Variants in PRKAR2A observed in about 807,000 individuals in gnomAD.
PRKAR2A encodes protein kinase cAMP-dependent type II regulatory subunit alpha, also known as cAMP-dependent protein kinase type II-alpha regulatory subunit.
In PRKAR2A, 29 loss-of-function variants were observed where a neutral mutation model predicts 51.9. The observed-to-expected ratio is 0.56, with a 90% CI of 0.42 to 0.76. The LOEUF (loss-of-function observed/expected upper bound fraction) is 0.76, where lower values mean the gene tolerates loss of function less well. PRKAR2A is among the 30% of genes least tolerant of loss of function. The pLI, the probability that PRKAR2A is intolerant of heterozygous loss-of-function variation, is 0.00. For synonymous variants in PRKAR2A, 178 were observed against 186.2 expected (o/e 0.96, Z 0.36); for missense variants, 445 against 512.1 (o/e 0.87, Z 1.26).
At chr3:48,839,613 T>C (rs1181684639) in intron 1 of PRKAR2A, among the ~76,000 whole-genome samples, 2 of 152,198 alleles carry the variant, frequency 1.3e-5, no homozygotes, top group Non-Finnish European at 1.5e-5. Flanking sequence ...TTAAAGCTGT[T>C]ATTAAAATAA....
At chr3:48,835,529 T>C (rs2083268574) in intron 1 of PRKAR2A, among the ~76,000 whole-genome samples, 1 of 150,936 alleles carries the variant, frequency 6.6e-6, no homozygotes, top group African/African-American at 2.4e-5. Context: ...TAGTCCCAGC[T>C]ACTCGGGAGG....
chr3:48,779,812 TAAATAAATAAA>T (rs2082165029), intron 5 of PRKAR2A, among the ~76,000 whole-genome samples: 1 of 148,776 alleles, frequency 6.7e-6, no homozygotes, highest in South Asian at 2.1e-4. Flanking sequence ...AATAAATAAA[TAAATAAATAAA>T]TAAATAAAAT....
At chr3:48,826,703 G>T (rs1453625036) in intron 1 of PRKAR2A, among the ~76,000 whole-genome samples, 1 of 151,924 alleles carries the variant, frequency 6.6e-6, no homozygotes, top group Non-Finnish European at 1.5e-5. Flanking sequence ...CATAAACTCA[G>T]TTATGATCCA....
In PRKAR2A at chr3:48,747,305, T is replaced by C. The variant is rs1369407933; in HGVS notation, c.*4280A>G. 6.6e-6 allele frequency: 1 copy of C among 152,182 alleles called. No individual in the cohort carries two copies. The highest frequency in any genetic ancestry group is 2.4e-5 in the African/African-American group (1 of 41,440). 9.4% of individuals were successfully genotyped at this position (152,182 alleles called of 1,614,324 possible). On this transcript the variant is annotated 3_prime_UTR_variant, in exon 11 of 11. Transcript: ENST00000265563. The stretch of plus-strand genomic sequence containing the variant: ...AATAAAAGATAAAAGATGACATTCA[T>C]GGATCTTTTTATTTTTCTCTGTGCA...
chr3:48,828,885 G>A (rs1031515201), intron 1 of PRKAR2A, among the ~76,000 whole-genome samples: 1 of 151,730 alleles, frequency 6.6e-6, no homozygotes, highest in Non-Finnish European at 1.5e-5. Flanking sequence ...CCAGGCTGGA[G>A]TGCAGTAGCG....
At chr3:48,812,584 G>A (rs1346164668) in intron 1 of PRKAR2A, among the ~76,000 whole-genome samples, 1 of 150,448 alleles carries the variant, frequency 6.6e-6, no homozygotes, top group African/African-American at 2.4e-5. Context: ...CCAGGTTCAC[G>A]CCATTCTCCT....
intron 8 of PRKAR2A, 50 bp downstream of exon 8, chr3:48,764,954 T>A (rs2081917014): frequency 6.5e-7 from 1 of 1,528,288 alleles, no homozygotes; most frequent in Admixed American, 1.7e-5. Flanking sequence ...GATGTACTAG[T>A]TCTTCAGGGG....
At chr3:48,795,583 T>C (rs895028452) in intron 2 of PRKAR2A, among the ~76,000 whole-genome samples, 9 of 152,174 alleles carry the variant, frequency 5.9e-5, no homozygotes, top group African/African-American at 1.2e-4. Flanking sequence ...TTCGCTCAGG[T>C]TGAGGTACAG....
intron 4 of PRKAR2A, among the ~76,000 whole-genome samples, chr3:48,785,450 G>A (rs1038211468): frequency 6.6e-6 from 1 of 152,136 alleles, no homozygotes; most frequent in African/African-American, 2.4e-5. Flanking sequence ...AGTAGAGACG[G>A]GGTTTCACCA....
chr3:48,798,039 G>T (rs186879471), intron 2 of PRKAR2A, among the ~76,000 whole-genome samples: 22 of 152,124 alleles, frequency 1.4e-4, no homozygotes, highest in Admixed American at 5.9e-4. Context: ...CGCAACCTCT[G>T]CCTCCCAGGT....
intron 1 of PRKAR2A, among the ~76,000 whole-genome samples, chr3:48,816,271 A>T (rs1269512465): frequency 1.3e-5 from 2 of 152,094 alleles, no homozygotes; most frequent in Non-Finnish European, 2.9e-5. Context: ...AGGCACATTG[A>T]AACTGGTTCA....
At chr3:48,796,780 G>A (rs995598207) in intron 2 of PRKAR2A, among the ~76,000 whole-genome samples, 32 of 149,332 alleles carry the variant, frequency 2.1e-4, no homozygotes, top group African/African-American at 6.6e-4. Context: ...GTGAGCAACC[G>A]CGCCCGGCCA....
rs1421995458 is a variant in PRKAR2A at position 48,752,360 on chromosome 3, A to T, written c.940-43T>A. 6 of 1,595,404 alleles carry T rather than the reference A, an allele frequency of 3.8e-6. No individual in the cohort carries two copies. The South Asian group carries it at 6.8e-5, about 18-fold the overall frequency. On this transcript the variant is annotated intron_variant, in intron 9 of 10. Coordinates refer to ENST00000265563, the MANE Select transcript of PRKAR2A (RefSeq NM_004157.4). ...CATGACCTAGGCTGACTCCAGGATC[A>T]CAGCTGGGCATGTCCAGTTGCACAC...
intron 1 of PRKAR2A, among the ~76,000 whole-genome samples, chr3:48,825,657 A>C (rs979709762): frequency 6.6e-6 from 1 of 152,112 alleles, no homozygotes; most frequent in Non-Finnish European, 1.5e-5. Flanking sequence ...AAAAAAATTA[A>C]ATTAAATTAA....
rs149126652 is a variant in PRKAR2A at position 48,790,808 on chromosome 3, G to A, written c.352-181C>T. ...TGGAGAGGCAATGTAATATAGGGGT[G>A]AAAAGCACCAACCCTGAAGCTACCT... On this transcript the variant is annotated intron_variant, in intron 3 of 10. Coordinates refer to ENST00000265563, the MANE Select transcript of PRKAR2A (RefSeq NM_004157.4). Among the ~76,000 whole-genome samples, 36 of 152,266 alleles carry A rather than the reference G, an allele frequency of 2.4e-4. No individual in the cohort carries two copies. The East Asian group carries it at 6.8e-3, about 29-fold the overall frequency.
intron 2 of PRKAR2A, 91 bp from the exon 3 acceptor site, chr3:48,794,140 C>A: frequency 3.1e-6 from 3 of 979,894 alleles, no homozygotes; most frequent in Non-Finnish European, 3.0e-6. Context: ...TTCTTTTATT[C>A]ACTGTTTTCT....
At chr3:48,768,400 G>A (rs1334276887) in intron 6 of PRKAR2A, among the ~76,000 whole-genome samples, 1 of 151,424 alleles carries the variant, frequency 6.6e-6, no homozygotes, top group African/African-American at 2.4e-5. Context: ...TAGATACATA[G>A]ATAGATAAAA....
chr3:48,791,311 A>AAAAAC (rs2082380450), intron 3 of PRKAR2A, among the ~76,000 whole-genome samples: 1 of 144,034 alleles, frequency 6.9e-6, no homozygotes, highest in Non-Finnish European at 1.5e-5. Flanking sequence ...AAAAAAAAAA[A>AAAAAC]AAGGGCTGGG....
In PRKAR2A at chr3:48,778,614, G is replaced by T. The variant is rs540887177; in HGVS notation, c.542+4372C>A. ...CACTCACTGCAACCTCTGCCTCCCG[G>T]GTTCAAGTTATTCTCCTGCCTCAGC... is the stretch of plus-strand genomic sequence containing the variant. On this transcript the variant is annotated intron_variant, in intron 5 of 10. Transcript: ENST00000265563. Among the ~76,000 whole-genome samples the T allele has an allele frequency of 3.9e-5, 6 of 152,140 alleles. No homozygotes were observed. In the South Asian group the frequency reaches 1.2e-3, roughly 32 times the overall value.
Sources: gnomAD v4.1 joint callset for allele counts (sites outside exome capture counted in the v4.1 genomes callset) on GRCh38, gnomAD v4.1.1 for gene constraint, MANE v1.5 for transcripts, NCBI Gene and HGNC (gene_info 2026-07-23, HGNC 2026-07-21) for gene names.